The following MYL12A variants were observed in gnomAD, a reference collection of about 807,000 sequenced individuals.
MYL12A encodes myosin light chain 12A, also known as myosin regulatory light chain 12A.
MYL12A carries 11 observed loss-of-function variants against 13.3 expected under a neutral mutation model. The observed-to-expected ratio is 0.83, with a 90% CI of 0.52 to 1.37. The LOEUF (loss-of-function observed/expected upper bound fraction) is 1.37, where lower values mean the gene tolerates loss of function less well. Ranked by LOEUF, MYL12A falls within the 40% of genes most tolerant of loss-of-function variation. The pLI, the probability that MYL12A is intolerant of heterozygous loss-of-function variation, is 0.00. For missense variants in MYL12A, 146 were observed against 212.3 expected (o/e 0.69, Z 1.94); for synonymous variants, 51 against 69.9 (o/e 0.73, Z 1.35).
chr18:3,250,807 C>CA (rs2081477529), intron 1 of MYL12A, among the ~76,000 whole-genome samples: 1 of 152,174 alleles, frequency 6.6e-6, no homozygotes, highest in Non-Finnish European at 1.5e-5. Context: ...TTTCTGAACT[C>CA]ACAGCATTTG....
In MYL12A at chr18:3,253,439, G is replaced by GGATAGAATTTTAA. The variant is rs770283909; in HGVS notation, c.181+11_181+12insGATAGAATTTTAA. On this transcript the variant is annotated intron_variant, in intron 2 of 3. Coordinates refer to ENST00000217652, the MANE Select transcript of MYL12A (RefSeq NM_006471.4). ...TGCTTGCTTCATTGGGTAATGCTCA[G>GGATAGAATTTTAA]TTTAAATATTAATCTATTGGATAGA... is the stretch of plus-strand genomic sequence containing the variant. 9.3e-6 allele frequency: 15 copies of GGATAGAATTTTAA among 1,610,104 alleles called. No homozygotes were observed. In the East Asian group the frequency reaches 3.3e-4, roughly 36 times the overall value.
intron 1 of MYL12A, among the ~76,000 whole-genome samples, chr18:3,250,173 T>G (rs1485198603): frequency 1.3e-5 from 2 of 152,234 alleles, no homozygotes; most frequent in African/African-American, 4.8e-5. Flanking sequence ...TGTATACATA[T>G]GTAACCTGCA....
chr18:3,255,586 C>T, intron 3 of MYL12A, 160 bp from the exon 4 acceptor site: 2 of 873,284 alleles, frequency 2.3e-6, no homozygotes, highest in Non-Finnish European at 3.3e-6. Context: ...CTAGGCACTT[C>T]TCTGCTGAGG....
intron 3 of MYL12A, among the ~76,000 whole-genome samples, chr18:3,254,995 G>T (rs1045563524): frequency 4.6e-5 from 7 of 152,168 alleles, no homozygotes; most frequent in Non-Finnish European, 8.8e-5. Context: ...AAAATAAATC[G>T]GGTGACATCA....
chr18:3,252,431 T>G, intron 1 of MYL12A: 1 of 1,342,646 alleles, frequency 7.4e-7, no homozygotes, highest in South Asian at 1.6e-5. Flanking sequence ...ATTTTAGGTA[T>G]TATTAGACAT....
In MYL12A at chr18:3,256,193, C is replaced by T. The variant is rs540183461; in HGVS notation, c.*275C>T. 1.9e-5 allele frequency: 6 copies of T among 319,518 alleles called. No individual in the cohort carries two copies. Among genetic ancestry groups the T allele is most frequent in the African/African-American group, 4.3e-5 (2 of 46,026 alleles). 19.8% of individuals were successfully genotyped at this position (319,518 alleles called of 1,614,324 possible). A position where few individuals can be genotyped will look rare whatever the true frequency, so the allele number is the denominator to read the frequency against. On this transcript the variant is annotated 3_prime_UTR_variant, in exon 4 of 4. Transcript: ENST00000217652. ...ATATATTTTTTCAGAGAAAGTTATT[C>T]GCTCGATTTTTTCTGAATCATAATT... is the stretch of plus-strand genomic sequence containing the variant.
intron 1 of MYL12A, chr18:3,252,531 T>C (rs1372426326): frequency 5.2e-6 from 6 of 1,151,596 alleles, no homozygotes; most frequent in Non-Finnish European, 6.9e-6. Flanking sequence ...TCTAAAACTT[T>C]TAAAATTATT....
At chr18:3,254,293 T>TA (rs2081516939) in intron 3 of MYL12A, among the ~76,000 whole-genome samples, 1 of 152,308 alleles carries the variant, frequency 6.6e-6, no homozygotes, top group East Asian at 1.9e-4. Context: ...CCTACCATGT[T>TA]AACTCCACAA....
chr18:3,251,788 C>T (rs966907125), intron 1 of MYL12A, among the ~76,000 whole-genome samples: 7 of 152,124 alleles, frequency 4.6e-5, no homozygotes, highest in African/African-American at 1.4e-4. Flanking sequence ...AATTTGGGAA[C>T]AGCATATATA....
intron 1 of MYL12A, chr18:3,249,785 G>C (rs1368477188): frequency 6.6e-6 from 1 of 152,222 alleles, no homozygotes; most frequent in Non-Finnish European, 1.5e-5. Flanking sequence ...GTGGGTGCCT[G>C]TAATCCCAGC....
At position 3,253,892 on chromosome 18, in the gene MYL12A, A is replaced by G. The variant is rs1427020686; in HGVS notation, c.185A>G (p.Lys62Arg). The G allele has an allele frequency of 1.9e-6, 3 of 1,595,556 alleles. No homozygotes were observed. In the African/African-American group the frequency reaches 4.1e-5, roughly 22 times the overall value. ...ATGACCCCTTTTAAAAATTTAGGGA[A>G]GAATCCAACTGATGAGTATCTAGAT... is the stretch of plus-strand genomic sequence containing the variant. ...DLHDMLASLG[K>R]NPTDEYLDAM... Residue 62 changes from lysine (K) to arginine (R), a missense_variant, in exon 3 of 4, where the codon AAG (lysine) becomes AGG (arginine). Coordinates refer to ENST00000217652, the MANE Select transcript of MYL12A (RefSeq NM_006471.4).
Position 3,253,934 on chromosome 18 carries a change from C to T in MYL12A, c.227C>T (p.Ala76Val). ...DEYLDAMMNE[A>V]PGPINFTMFL... ...TATCTAGATGCCATGATGAATGAGG[C>T]TCCAGGCCCCATCAATTTCACCATG... Residue 76 changes from alanine to valine, a missense_variant, in exon 3 of 4, where the codon GCT (alanine) becomes GTT (valine). By Grantham distance (64) the Ala-to-Val change is moderately conservative. Transcript: ENST00000217652. 6.2e-7 allele frequency: 1 copy of T among 1,613,872 alleles called. No individual in the cohort carries two copies. The highest frequency in any genetic ancestry group is 8.5e-7 in the Non-Finnish European group (1 of 1,179,910).
intron 3 of MYL12A, among the ~76,000 whole-genome samples, chr18:3,254,751 G>C (rs1471121464): frequency 6.6e-6 from 1 of 152,258 alleles, no homozygotes; most frequent in African/African-American, 2.4e-5. Flanking sequence ...TGGCAGAAGT[G>C]TATGTAAGAG....
intron 3 of MYL12A, among the ~76,000 whole-genome samples, chr18:3,254,656 T>C (rs896524019): frequency 1.8e-4 from 27 of 152,262 alleles, no homozygotes; most frequent in African/African-American, 6.5e-4. Flanking sequence ...AGAAGTGAGA[T>C]GTACATGAAG....
At chr18:3,249,711 C>T (rs971187858) in intron 1 of MYL12A, 1 of 152,272 alleles carries the variant, frequency 6.6e-6, no homozygotes. Flanking sequence ...AGTTCAAGAC[C>T]AGCCTGCACA....
intron 3 of MYL12A, 93 bp downstream of exon 3, chr18:3,254,143 A>C (rs572473961): frequency 1.2e-4 from 173 of 1,393,144 alleles, no homozygotes; most frequent in Non-Finnish European, 1.6e-4. Flanking sequence ...TAACGCTCTC[A>C]GGTTTGTACT....
Position 3,255,884 on chromosome 18 carries a change from T to A in MYL12A, c.482T>A (p.Ile161Asn), listed in dbSNP as rs904790914. The A allele has an allele frequency of 1.9e-6, 3 of 1,613,884 alleles. No individual in the cohort carries two copies. In the African/African-American group the frequency reaches 4.0e-5, roughly 22 times the overall value. ...TTCAATTACATCGAGTTCACACGCA[T>A]CCTGAAACATGGAGCCAAAGACAAA... ...GNFNYIEFTR[I>N]LKHGAKDKDD Residue 161 changes from isoleucine to asparagine, a missense_variant, in exon 4 of 4, where the codon ATC (isoleucine) becomes AAC (asparagine). Coordinates refer to ENST00000217652, the MANE Select transcript of MYL12A (RefSeq NM_006471.4).
In MYL12A at chr18:3,253,427, G is replaced by A. The variant is rs1350418578; in HGVS notation, c.180G>A (p.Leu60=). Residue 60 remains leucine, a splice_region_variant and synonymous_variant, in exon 2 of 4, where the codon TTG becomes TTA. Coordinates refer to ENST00000217652, the MANE Select transcript of MYL12A (RefSeq NM_006471.4). ...KEDLHDMLAS[L]GKNPTDEYLD... is the part of the protein sequence containing the mutation. ...ATTTGCATGATATGCTTGCTTCATTGGGTAATGCTCAGTTTAAATATTAAT... is the reference window on the plus strand; with the variant it reads ...ATTTGCATGATATGCTTGCTTCATTAGGTAATGCTCAGTTTAAATATTAAT... 1 of 1,612,714 alleles carries A rather than the reference G, an allele frequency of 6.2e-7. No homozygotes were observed. The highest frequency in any genetic ancestry group is 1.3e-5 in the African/African-American group (1 of 74,868).
intron 1 of MYL12A, chr18:3,249,797 A>C (rs1257495263): frequency 6.6e-6 from 1 of 152,020 alleles, no homozygotes; most frequent in Admixed American, 6.6e-5. Context: ...AATCCCAGCT[A>C]CTCCAGAGGC....
Sources: gnomAD v4.1 joint callset for allele counts (sites outside exome capture counted in the v4.1 genomes callset) on GRCh38, gnomAD v4.1.1 for gene constraint, MANE v1.5 for transcripts, NCBI Gene and HGNC (gene_info 2026-07-23, HGNC 2026-07-21) for gene names.